IL1RAPL2: variants seen among roughly 807,000 people sequenced by gnomAD.
The protein encoded by IL1RAPL2 is interleukin 1 receptor accessory protein like 2.
A neutral mutation model predicts 44.1 loss-of-function variants in IL1RAPL2; 3 were observed. That is an observed-to-expected ratio of 0.07 (90% CI 0.03 to 0.18). The LOEUF (loss-of-function observed/expected upper bound fraction) is 0.18. Among genes scored for constraint, IL1RAPL2 ranks in the 10% least tolerant of loss-of-function variants. The pLI, the probability that IL1RAPL2 is intolerant of heterozygous loss-of-function variation, is 1.00. For synonymous variants in IL1RAPL2, 181 were observed against 178.8 expected (o/e 1.01, Z -0.10); for missense variants, 391 against 496.4 (o/e 0.79, Z 2.02).
Position 105,074,008 on chromosome X carries a change from G to T in IL1RAPL2, c.83-121467G>T, listed in dbSNP as rs747454247. Among the ~76,000 whole-genome samples the T allele has an allele frequency of 9.0e-5, 10 of 111,356 alleles. No homozygotes were observed. The South Asian group carries it at 3.8e-3, about 42-fold the overall frequency. ...CTGTAGGTTGCCTGTTCACTCTGAT[G>T]GTGGTTTCTTTTGCTGTGCAGAAGC... On this transcript the variant is annotated intron_variant, in intron 2 of 10. Coordinates refer to ENST00000372582, the MANE Select transcript of IL1RAPL2 (RefSeq NM_017416.2).
chrX:105,518,112 C>T (rs1158950238), intron 6 of IL1RAPL2, among the ~76,000 whole-genome samples: 1 of 110,479 alleles, frequency 9.1e-6, no homozygotes, highest in Non-Finnish European at 1.9e-5. Context: ...GATAGGAGGT[C>T]TTTGGTGGGG....
intron 6 of IL1RAPL2, among the ~76,000 whole-genome samples, chrX:105,682,333 G>T (rs771032475): frequency 7.2e-5 from 8 of 111,492 alleles, no homozygotes; most frequent in African/African-American, 1.3e-4. Context: ...AAAAGATTCA[G>T]TAAGTATGGA....
At chrX:105,654,180 T>C (rs114812057) in intron 6 of IL1RAPL2, among the ~76,000 whole-genome samples, 1 of 109,976 alleles carries the variant, frequency 9.1e-6, no homozygotes, top group Non-Finnish European at 1.9e-5. Flanking sequence ...AATGCTTAAA[T>C]CTTTTAAACT....
intron 2 of IL1RAPL2, among the ~76,000 whole-genome samples, chrX:105,004,624 T>C (rs929771535): frequency 3.6e-5 from 4 of 110,917 alleles, no homozygotes; most frequent in Non-Finnish European, 7.6e-5. Flanking sequence ...GAGGAGTATG[T>C]ACCTTACAAG....
chrX:104,728,529 T>C (rs2147569475), intron 2 of IL1RAPL2, among the ~76,000 whole-genome samples: 1 of 111,615 alleles, frequency 9.0e-6, no homozygotes, highest in South Asian at 3.8e-4. Flanking sequence ...GAAATATGTT[T>C]GTTGCAGACA....
intron 2 of IL1RAPL2, among the ~76,000 whole-genome samples, chrX:104,966,701 T>C (rs1284133469): frequency 8.9e-6 from 1 of 111,996 alleles, no homozygotes; most frequent in Non-Finnish European, 1.9e-5. Flanking sequence ...ACAAAAATTG[T>C]TGGTGAGATT....
At chrX:105,703,480 C>A (rs2038137580) in intron 6 of IL1RAPL2, among the ~76,000 whole-genome samples, 1 of 111,475 alleles carries the variant, frequency 9.0e-6, no homozygotes, top group South Asian at 3.7e-4. Flanking sequence ...GAAGATATGA[C>A]AGGGGTCTCA....
At chrX:105,396,197 TC>T (rs2035561315) in intron 5 of IL1RAPL2, among the ~76,000 whole-genome samples, 1 of 110,003 alleles carries the variant, frequency 9.1e-6, no homozygotes, top group African/African-American at 3.3e-5. Context: ...CTAAAATTGA[TC>T]AATTTATGTT....
At chrX:105,750,441 T>TTTATTATTATTATTA (rs199583433) in intron 9 of IL1RAPL2, among the ~76,000 whole-genome samples, 9 of 91,567 alleles carry the variant, frequency 9.8e-5, no homozygotes, top group African/African-American at 4.0e-4. Context: ...GCCTGGCCAA[T>TTTATTATTATTATTA]TTATTATTAT....
intron 2 of IL1RAPL2, among the ~76,000 whole-genome samples, chrX:104,971,102 C>T (rs1431301565): frequency 4.5e-5 from 5 of 112,091 alleles, no homozygotes; most frequent in Non-Finnish European, 9.4e-5. Context: ...AATCCCAGCA[C>T]TTTGGGAGGC....
In IL1RAPL2 at chrX:104,852,705, G is replaced by T. The variant is rs780818701; in HGVS notation, c.82+193710G>T. 3.6e-5 allele frequency among the ~76,000 whole-genome samples: 4 copies of T among 112,208 alleles called. No homozygotes were observed. In the South Asian group the frequency reaches 1.5e-3, roughly 42 times the overall value. On this transcript the variant is annotated intron_variant, in intron 2 of 10. Coordinates refer to ENST00000372582, the MANE Select transcript of IL1RAPL2 (RefSeq NM_017416.2). ...GAAGCTAAGTAAGGACATGGCATCA[G>T]GAGAAGCATAGCCTGATCCCGTGGG... is the stretch of plus-strand genomic sequence containing the variant.
At chrX:105,651,691 C>T (rs2147843403) in intron 6 of IL1RAPL2, among the ~76,000 whole-genome samples, 1 of 111,198 alleles carries the variant, frequency 9.0e-6, no homozygotes, top group African/African-American at 3.3e-5. Flanking sequence ...CTTTTGTACC[C>T]TCTTGGATTG....
At chrX:105,364,877 A>G (rs1018313092) in intron 5 of IL1RAPL2, among the ~76,000 whole-genome samples, 2 of 111,652 alleles carry the variant, frequency 1.8e-5, no homozygotes, top group Admixed American at 1.9e-4. Context: ...CCTTACCTAT[A>G]TGGATGCATT....
chrX:104,817,765 A>G (rs1018841843), intron 2 of IL1RAPL2, among the ~76,000 whole-genome samples: 1 of 112,167 alleles, frequency 8.9e-6, no homozygotes, highest in Admixed American at 9.5e-5. Context: ...ATGAATACAG[A>G]TAAAATAATA....
At position 104,848,409 on chromosome X, in the gene IL1RAPL2, GTATATATATATATATATA is replaced by G. The variant is rs35503754; in HGVS notation, c.82+189439_82+189456del. Among the ~76,000 whole-genome samples the G allele has an allele frequency of 2.4e-3, 155 of 64,856 alleles. 1 individual carries two copies. Among genetic ancestry groups the G allele is most frequent in the African/African-American group, 7.1e-3 (113 of 15,815 alleles). 56.3% of individuals were successfully genotyped at this position (64,856 alleles called of 115,157 possible). A position where few individuals can be genotyped will look rare whatever the true frequency, so the allele number is the denominator to read the frequency against. ...CAAATTTTTAAAAAGATTTTTATCTGTATATATATATATATATATATATATATATATATATATATATAA... is the reference window on the plus strand; with the variant it reads ...CAAATTTTTAAAAAGATTTTTATCTGTATATATATATATATATATATATAA... On this transcript the variant is annotated intron_variant, in intron 2 of 10. Transcript: ENST00000372582.
At chrX:105,723,819 G>C (rs2038327741) in intron 7 of IL1RAPL2, among the ~76,000 whole-genome samples, 1 of 110,937 alleles carries the variant, frequency 9.0e-6, no homozygotes, top group Non-Finnish European at 1.9e-5. Context: ...TGAGTGGGGA[G>C]CCTTCATGAT....
intron 2 of IL1RAPL2, among the ~76,000 whole-genome samples, chrX:104,786,928 TCTC>T (rs1389190071): frequency 5.4e-5 from 1 of 18,392 alleles, no homozygotes; most frequent in African/African-American, 1.8e-4. Context: ...ATTCTCTCTC[TCTC>T]TCTCTCTCTC....
chrX:105,442,531 AC>A (rs1193721509), intron 5 of IL1RAPL2, among the ~76,000 whole-genome samples: 1 of 112,022 alleles, frequency 8.9e-6, no homozygotes, highest in Non-Finnish European at 1.9e-5. Flanking sequence ...ACTTTGTGGC[AC>A]GTTTTTAAAA....
intron 1 of IL1RAPL2, among the ~76,000 whole-genome samples, chrX:104,582,604 C>CTTTCTT (rs1928385429): frequency 3.1e-5 from 1 of 32,222 alleles, no homozygotes; most frequent in African/African-American, 9.6e-5. Context: ...CTTTTTCTTT[C>CTTTCTT]TTTCTTTCTT....
Sources: allele counts gnomAD v4.1 joint callset (sites outside exome capture counted in the v4.1 genomes callset), GRCh38; gene constraint gnomAD v4.1.1; transcripts MANE v1.5; gene names NCBI Gene and HGNC (gene_info 2026-07-23, HGNC 2026-07-21).